Variants in ZXDC observed in about 807,000 individuals in gnomAD.
ZXDC encodes the protein zinc finger protein ZXDC.
A neutral mutation model predicts 63.6 loss-of-function variants in ZXDC; 58 were observed. That is an observed-to-expected ratio of 0.91 (90% CI 0.74 to 1.13). The LOEUF is 1.13. Among genes scored for constraint, ZXDC ranks in the 50% most tolerant of loss-of-function variants. The probability of loss-of-function intolerance (pLI) is 0.00; values close to 1 mark genes in which losing one functional copy is unlikely to be tolerated. For synonymous variants in ZXDC, 561 were observed against 496.1 expected (o/e 1.13, Z -1.74); for missense variants, 1,133 against 1,148.9 (o/e 0.99, Z 0.20).
intron 7 of ZXDC, chr3:126,459,089 A>G: frequency 2.0e-6 from 2 of 985,480 alleles, no homozygotes; most frequent in Non-Finnish European, 2.4e-6. Flanking sequence ...AGTTTCCATT[A>G]AGCACTACAT....
chr3:126,452,134 G>T (rs1025602264), intron 7 of ZXDC: 4 of 985,270 alleles, frequency 4.1e-6, no homozygotes, highest in Non-Finnish European at 4.8e-6. Context: ...TGCCCAGTGC[G>T]CTGGATCCTG....
chr3:126,442,775 G>C (rs1250236551), intron 7 of ZXDC: 1 of 152,194 alleles, frequency 6.6e-6, no homozygotes, highest in African/African-American at 2.4e-5. Flanking sequence ...ATCCCTGCCT[G>C]GATGTGTGGG....
intron 8 of ZXDC, chr3:126,440,057 C>G: frequency 8.7e-7 from 1 of 1,147,780 alleles, no homozygotes; most frequent in East Asian, 5.5e-5. Context: ...CCTGGCACGC[C>G]CTGTACCCCC....
intron 8 of ZXDC, chr3:126,440,154 C>T (rs4679119): frequency 0.044 from 44,761 of 1,009,656 alleles, 1,032 homozygotes; most frequent in Middle Eastern, 0.05. Flanking sequence ...TGCCTACGGG[C>T]CAGCTGGAAG....
At chr3:126,440,990 G>T in intron 8 of ZXDC, 1 of 985,608 alleles carries the variant, frequency 1.0e-6, no homozygotes, top group Non-Finnish European at 1.2e-6. Context: ...CCCTGCCACA[G>T]GGAATCTACA....
chr3:126,439,566 G>T, intron 9 of ZXDC, 66 bp downstream of exon 9: 1 of 1,550,492 alleles, frequency 6.4e-7, no homozygotes, highest in Non-Finnish European at 8.7e-7. Context: ...GTGAAGCCAG[G>T]CTTCTGGAAG....
chr3:126,475,545 G>A lies in ZXDC; in HGVS notation c.321C>T (p.Arg107=). Residue 107 remains arginine (R), a synonymous_variant, in exon 1 of 10, where the codon CGC becomes CGT. Coordinates refer to ENST00000389709, the MANE Select transcript of ZXDC (RefSeq NM_025112.5). ...CCGGGCCGCTGGGGCCCTGCTCGGG[G>A]CGGCTCGCCAGGTTGACACGGGAGC... ...EPGSRVNLAS[R]PEQGPSGPAA... is the part of the protein sequence containing the mutation. 1 of 1,365,906 alleles carries A rather than the reference G, an allele frequency of 7.3e-7. No individual in the cohort carries two copies. The highest frequency in any genetic ancestry group is 9.4e-7 in the Non-Finnish European group (1 of 1,058,268). 84.6% of individuals were successfully genotyped at this position (1,365,906 alleles called of 1,614,324 possible).
chr3:126,467,273 A>G (rs953324654), intron 4 of ZXDC, among the ~76,000 whole-genome samples: 1 of 152,142 alleles, frequency 6.6e-6, no homozygotes, highest in African/African-American at 2.4e-5. Flanking sequence ...CAGGCACCCC[A>G]GCCTGGGTTC....
At chr3:126,443,701 T>C (rs1933769331) in intron 7 of ZXDC, among the ~76,000 whole-genome samples, 1 of 152,346 alleles carries the variant, frequency 6.6e-6, no homozygotes, top group South Asian at 2.1e-4. Context: ...GAATTTTACC[T>C]GAATGCATTT....
At chr3:126,471,754 C>CT (rs926916784) in intron 3 of ZXDC, among the ~76,000 whole-genome samples, 1 of 151,610 alleles carries the variant, frequency 6.6e-6, no homozygotes, top group East Asian at 1.9e-4. Context: ...GCCAATTTAG[C>CT]TTTTTTTAAA....
intron 5 of ZXDC, among the ~76,000 whole-genome samples, chr3:126,464,422 C>T (rs781249724): frequency 3.9e-5 from 6 of 152,200 alleles, no homozygotes; most frequent in Non-Finnish European, 5.9e-5. Flanking sequence ...CCATTGAGGG[C>T]GTGACATAAT....
Position 126,462,019 on chromosome 3 carries a change from G to A in ZXDC, c.1643C>T (p.Ser548Phe). 1 of 1,614,132 alleles carries A rather than the reference G, an allele frequency of 6.2e-7. No homozygotes were observed. Among genetic ancestry groups the A allele is most frequent in the Non-Finnish European group, 8.5e-7 (1 of 1,180,040 alleles). ...ATTAGCAGGGAGGTTCCCTCCCAGAGAGGAGCTCACAGAAGTGACGTCAAT... is the reference window on the plus strand; with the variant it reads ...ATTAGCAGGGAGGTTCCCTCCCAGAAAGGAGCTCACAGAAGTGACGTCAAT... Reference protein sequence around the residue: ...LTIDVTSVSSSLGGNLPANNS... With the variant: ...LTIDVTSVSSFLGGNLPANNS... Residue 548 changes from serine to phenylalanine, a missense_variant, in exon 6 of 10, where the codon TCT becomes TTT. Ser to Phe is a radical substitution (Grantham distance 155, BLOSUM62 -2). Transcript: ENST00000389709.
intron 5 of ZXDC, 29 bp downstream of exon 5, chr3:126,466,126 T>A: frequency 6.3e-7 from 1 of 1,591,278 alleles, no homozygotes; most frequent in Non-Finnish European, 8.6e-7. Flanking sequence ...GGGAAGCAGC[T>A]CCCCATGGGG....
chr3:126,475,519 G>C lies in ZXDC; in HGVS notation c.347C>G (p.Ala116Gly). 1 of 1,252,606 alleles carries C rather than the reference G, an allele frequency of 8.0e-7. No individual in the cohort carries two copies. Among genetic ancestry groups the C allele is most frequent in the Non-Finnish European group, 1.0e-6 (1 of 1,001,236 alleles). The allele number at this position is 1,252,606 out of a possible 1,614,324, so 77.6% of individuals were successfully genotyped here. A position where few individuals can be genotyped will look rare whatever the true frequency, so the allele number is the denominator to read the frequency against. The change falls in exon 1 of 10, where the codon GCC becomes GGC. Residue 116 changes from alanine to glycine, a missense_variant. Physicochemically the swap from Ala to Gly is moderately conservative, Grantham distance 60. Transcript: ENST00000389709. ...GGCTACGCCAGGGCCGGGGGGGGCG[G>C]CCGGGCCGCTGGGGCCCTGCTCGGG... is the stretch of plus-strand genomic sequence containing the variant. ...SRPEQGPSGP[A>G]APPGPGVAPA...
rs1041732240 is a variant in ZXDC, at chr3:126,461,604, C to T, written c.2058G>A (p.Leu686=). ...CACCGTGCTGCTCTGCTGGACTGGG[C>T]AACGTGGACTGGGGCAGCCCATGGC... ...EGSHGLPQST[L]PSPAEQHGAQ... is the part of the protein sequence containing the mutation. The change falls in exon 6 of 10, where the codon TTG becomes TTA. Residue 686 remains leucine (L), a synonymous_variant. Transcript: ENST00000389709. 2 of 1,614,126 alleles carry T rather than the reference C, an allele frequency of 1.2e-6. No individual in the cohort carries two copies. The highest frequency in any genetic ancestry group is 1.3e-5 in the African/African-American group (1 of 75,022).
chr3:126,439,678 G>T lies in ZXDC; in HGVS notation c.2444C>A (p.Thr815Asn). 6.4e-7 allele frequency: 1 copy of T among 1,553,646 alleles called. No homozygotes were observed. The highest frequency in any genetic ancestry group is 1.4e-5 in the African/African-American group (1 of 73,396). ...GTCCACAGTGAGGAAGGGGAGGAAGGTGGCTGGGCCGCGGGCCGAGGGCAG... is the reference window on the plus strand; with the variant it reads ...GTCCACAGTGAGGAAGGGGAGGAAGTTGGCTGGGCCGCGGGCCGAGGGCAG... The part of the protein sequence containing the change: ...GVLPSARGPA[T>N]FLPFLTVDLP... The change falls in exon 9 of 10, where the codon ACC becomes AAC. Residue 815 changes from threonine to asparagine, a missense_variant. Transcript: ENST00000389709.
chr3:126,454,653 G>GT, intron 7 of ZXDC: 2 of 985,360 alleles, frequency 2.0e-6, no homozygotes, highest in Non-Finnish European at 2.4e-6. Context: ...GATACCCTTG[G>GT]TTTTCTGTCA....
chr3:126,475,634 G>A lies in ZXDC; in HGVS notation c.232C>T (p.Leu78=). 6.8e-7 allele frequency: 1 copy of A among 1,473,030 alleles called. No individual in the cohort carries two copies. The highest frequency in any genetic ancestry group is 9.0e-7 in the Non-Finnish European group (1 of 1,110,686). 91.2% of individuals were successfully genotyped at this position (1,473,030 alleles called of 1,614,324 possible). A position where few individuals can be genotyped will look rare whatever the true frequency, so the allele number is the denominator to read the frequency against. The change falls in exon 1 of 10, where the codon CTG becomes TTG. Residue 78 remains leucine (L), a synonymous_variant. Coordinates refer to ENST00000389709, the MANE Select transcript of ZXDC (RefSeq NM_025112.5). ...GCGCCGCCGTGCGGCACTTCCAGCA[G>A]CACCAAGAAAGAGTCGCCGTCGCTG... ...DDSDGDSFLV[L]LEVPHGGAAA...
At position 126,442,163 on chromosome 3, in the gene ZXDC, TG is replaced by T. The variant is rs1933708541; in HGVS notation, c.2213-218del. On this transcript the variant is annotated intron_variant, in intron 7 of 9. Transcript: ENST00000389709. ...AACATCAGGATTTTGATTTTAAAAA[TG>T]TAAAAACATCATACGTATTTTTTTG... The T allele has an allele frequency of 6.1e-6, 3 of 489,826 alleles. No homozygotes were observed. In the East Asian group the frequency reaches 1.1e-4, roughly 18 times the overall value. 30.3% of individuals were successfully genotyped at this position (489,826 alleles called of 1,614,324 possible). A position where few individuals can be genotyped will look rare whatever the true frequency, so the allele number is the denominator to read the frequency against.
Sources: allele counts gnomAD v4.1 joint callset (sites outside exome capture counted in the v4.1 genomes callset), GRCh38; gene constraint gnomAD v4.1.1; transcripts MANE v1.5; gene names NCBI Gene and HGNC (gene_info 2026-07-23, HGNC 2026-07-21).